Variants in PTPRT observed in about 807,000 individuals in gnomAD.
The protein encoded by PTPRT is protein tyrosine phosphatase receptor type T.
A neutral mutation model predicts 176.8 loss-of-function variants in PTPRT; 56 were observed. The observed-to-expected ratio is 0.32, with a 90% CI of 0.26 to 0.40. PTPRT has a LOEUF of 0.40. PTPRT is among the 10% of genes least tolerant of loss of function. The pLI is 1.00. For missense variants in PTPRT, 1,540 were observed against 1,908.2 expected (o/e 0.81, Z 3.60); for synonymous variants, 783 against 739.0 (o/e 1.06, Z -0.96).
At chr20:42,226,247 T>C (rs1343713491) in intron 15 of PTPRT, among the ~76,000 whole-genome samples, 3 of 152,186 alleles carry the variant, frequency 2.0e-5, no homozygotes, top group Admixed American at 1.3e-4. Context: ...ATGAATGAAA[T>C]AATATGTCAT....
intron 3 of PTPRT, among the ~76,000 whole-genome samples, chr20:42,782,015 C>A (rs915683579): frequency 4.6e-5 from 7 of 152,252 alleles, no homozygotes; most frequent in Admixed American, 1.3e-4. Flanking sequence ...GGAGTTAAGA[C>A]CCCACTTAGA....
chr20:42,466,389 A>T (rs1397982103), intron 8 of PTPRT, among the ~76,000 whole-genome samples: 1 of 152,248 alleles, frequency 6.6e-6, no homozygotes, highest in Middle Eastern at 3.2e-3. Context: ...ACAAATGAAC[A>T]TAACTGGGTA....
intron 2 of PTPRT, among the ~76,000 whole-genome samples, chr20:42,867,688 T>C (rs1261838416): frequency 1.4e-5 from 2 of 144,050 alleles, no homozygotes; most frequent in East Asian, 3.9e-4. Context: ...ATGGCCTTTT[T>C]TTTTTTTTTT....
At chr20:42,232,400 C>A (rs1394924686) in intron 15 of PTPRT, among the ~76,000 whole-genome samples, 3 of 152,204 alleles carry the variant, frequency 2.0e-5, no homozygotes, top group African/African-American at 7.2e-5. Flanking sequence ...TGTTACAATG[C>A]AGATTCTGAT....
intron 1 of PTPRT, among the ~76,000 whole-genome samples, chr20:43,104,126 T>C (rs538696134): frequency 7.2e-5 from 11 of 152,274 alleles, no homozygotes; most frequent in South Asian, 4.1e-4. Flanking sequence ...CTAAGACTTA[T>C]TAATTGAATG....
rs1491109918 is a variant in PTPRT, at chr20:42,634,063, TAA to T, written c.1153+43801_1153+43802del. 7.5e-4 allele frequency among the ~76,000 whole-genome samples: 33 copies of T among 43,798 alleles called. 2 individuals carry two copies. Among genetic ancestry groups the T allele is most frequent in the African/African-American group, 3.2e-3 (30 of 9,408 alleles). The allele number at this position is 43,798 out of a possible 152,430, so 28.7% of individuals were successfully genotyped here. ...ATATTATATATATATTATAAATATA[TAA>T]TATATATATAATATATATATAATAT... On this transcript the variant is annotated intron_variant, in intron 7 of 30. Transcript: ENST00000373187.
At chr20:42,545,742 C>G (rs2072662908) in intron 7 of PTPRT, among the ~76,000 whole-genome samples, 1 of 152,084 alleles carries the variant, frequency 6.6e-6, no homozygotes. Context: ...TGGGTTTGAC[C>G]CTAGGGCAGG....
At chr20:42,801,586 G>A in intron 2 of PTPRT, among the ~76,000 whole-genome samples, 1 of 152,186 alleles carries the variant, frequency 6.6e-6, no homozygotes, top group East Asian at 1.9e-4. Context: ...CAGCATGGAA[G>A]AGTTTTTATC....
At chr20:42,710,950 T>C (rs1002790843) in intron 6 of PTPRT, among the ~76,000 whole-genome samples, 2 of 152,242 alleles carry the variant, frequency 1.3e-5, no homozygotes, top group Admixed American at 6.5e-5. Context: ...GAGGTTGTTT[T>C]AGAGCTTTAA....
intron 1 of PTPRT, among the ~76,000 whole-genome samples, chr20:43,059,088 T>C (rs1162759692): frequency 2.0e-5 from 3 of 152,230 alleles, no homozygotes; most frequent in Admixed American, 6.5e-5. Flanking sequence ...GAGCCTATGA[T>C]GGCAGGGGCA....
At position 42,490,230 on chromosome 20, in the gene PTPRT, AT is replaced by A. The variant is rs563026371; in HGVS notation, c.1154-17669del. On this transcript the variant is annotated intron_variant, in intron 7 of 30. Coordinates refer to ENST00000373187, the MANE Select transcript of PTPRT (RefSeq NM_007050.6). ...TTGACTACTATGATTTTTCCCCTCT[AT>A]ATATATTTATTAGAGAAAGTTTATC... Among the ~76,000 whole-genome samples the A allele has an allele frequency of 3.1e-3, 470 of 152,190 alleles. 22 individuals are homozygous for A. The South Asian group carries it at 0.092, about 30-fold the overall frequency.
At chr20:42,843,046 T>C (rs1223035302) in intron 2 of PTPRT, among the ~76,000 whole-genome samples, 1 of 152,170 alleles carries the variant, frequency 6.6e-6, no homozygotes, top group Non-Finnish European at 1.5e-5. Context: ...TAGTATGACC[T>C]TGGATAAGCT....
intron 7 of PTPRT, among the ~76,000 whole-genome samples, chr20:42,668,776 C>A (rs2075362307): frequency 6.6e-6 from 1 of 151,510 alleles, no homozygotes; most frequent in African/African-American, 2.4e-5. Context: ...ACTGCAAGCT[C>A]CGCCTCCTGG....
the PTPRT span, among the ~76,000 whole-genome samples, chr20:42,060,440 G>T: frequency 6.9e-3 from 1,050 of 152,254 alleles, 12 homozygotes; most frequent in African/African-American, 0.024. Flanking sequence ...GATATGGTTT[G>T]GCTGTGTCCC....
chr20:42,237,318 G>C (rs886688406), intron 14 of PTPRT, among the ~76,000 whole-genome samples: 2 of 152,178 alleles, frequency 1.3e-5, no homozygotes, highest in African/African-American at 2.4e-5. Flanking sequence ...TGTACTGAGA[G>C]AGAGGAGTTC....
chr20:42,681,162 A>G (rs1353346946), intron 6 of PTPRT, among the ~76,000 whole-genome samples: 1 of 152,218 alleles, frequency 6.6e-6, no homozygotes, highest in African/African-American at 2.4e-5. Context: ...AAATACATAG[A>G]CAAACCCTAT....
chr20:42,713,991 A>T (rs543106585), intron 6 of PTPRT, among the ~76,000 whole-genome samples: 1 of 152,294 alleles, frequency 6.6e-6, no homozygotes, highest in South Asian at 2.1e-4. Context: ...CTTTCTTTAT[A>T]AATTATCCAG....
intron 6 of PTPRT, among the ~76,000 whole-genome samples, chr20:42,706,362 C>A (rs967275682): frequency 2.0e-5 from 3 of 152,064 alleles, no homozygotes; most frequent in Non-Finnish European, 4.4e-5. Flanking sequence ...ATCTTTGCAA[C>A]CAATTCCCTA....
At chr20:42,318,403 C>T (rs913563622) in intron 11 of PTPRT, among the ~76,000 whole-genome samples, 1 of 152,100 alleles carries the variant, frequency 6.6e-6, no homozygotes, top group East Asian at 1.9e-4. Flanking sequence ...ACAATATATT[C>T]AGGTAAATCT....
Sources: allele counts gnomAD v4.1 joint callset (sites outside exome capture counted in the v4.1 genomes callset), GRCh38; gene constraint gnomAD v4.1.1; transcripts MANE v1.5; gene names NCBI Gene and HGNC (gene_info 2026-07-23, HGNC 2026-07-21).